Variants in ATRNL1 observed in about 807,000 individuals in gnomAD.
ATRNL1 encodes attractin-like protein 1.
A neutral mutation model predicts 182.7 loss-of-function variants in ATRNL1; 95 were observed. The observed-to-expected ratio is 0.52, with a 90% CI of 0.44 to 0.62. ATRNL1 has a LOEUF of 0.62. Among genes scored for constraint, ATRNL1 ranks in the 20% least tolerant of loss-of-function variants. The probability of loss-of-function intolerance (pLI) is 0.00; values close to 1 mark genes in which losing one functional copy is unlikely to be tolerated. For missense variants in ATRNL1, 1,471 were observed against 1,679.5 expected (o/e 0.88, Z 2.17); for synonymous variants, 576 against 568.3 (o/e 1.01, Z -0.19).
chr10:115,267,365 AT>A (rs1363552210), intron 12 of ATRNL1, among the ~76,000 whole-genome samples: 17 of 150,660 alleles, frequency 1.1e-4, no homozygotes, highest in Admixed American at 5.3e-4. Context: ...TCCATGTGGT[AT>A]TTTTTTTTCT....
intron 26 of ATRNL1, among the ~76,000 whole-genome samples, chr10:115,633,191 G>T (rs952956023): frequency 6.6e-6 from 1 of 152,088 alleles, no homozygotes; most frequent in African/African-American, 2.4e-5. Context: ...GATTACAGGC[G>T]TGAGCCACTA....
At chr10:115,291,879 T>G (rs1191691801) in intron 15 of ATRNL1, among the ~76,000 whole-genome samples, 1 of 150,802 alleles carries the variant, frequency 6.6e-6, no homozygotes, top group Non-Finnish European at 1.5e-5. Context: ...CCTCATAGAA[T>G]GAGTTAAGAA....
In ATRNL1 at chr10:115,301,977, T is replaced by C. The variant is rs1564893072; in HGVS notation, c.2752T>C (p.Ser918Pro). Residue 918 changes from serine (S) to proline (P), a missense_variant, in exon 17 of 29, where the codon TCT (serine) becomes CCT (proline). Around this residue, in one of 3 missense-constraint regions of ATRNL1, gnomAD observed 1,031 missense variants for 1,156.0 expected, o/e 0.89. Transcript: ENST00000355044. ...WCSSTKRCVD[S>P]NAYIISFPYG... ...CAGCAGTACGAAACGATGTGTTGAC[T>C]CTAATGCCTATATCATCTCTTTTCC... 6.2e-7 allele frequency: 1 copy of C among 1,614,104 alleles called. No homozygotes were observed. Among genetic ancestry groups the C allele is most frequent in the East Asian group, 2.2e-5 (1 of 44,878 alleles).
At chr10:115,811,303 T>A (rs560975354) in intron 27 of ATRNL1, among the ~76,000 whole-genome samples, 8 of 152,128 alleles carry the variant, frequency 5.3e-5, no homozygotes, top group African/African-American at 1.7e-4. Flanking sequence ...AATTTATTTT[T>A]AGTTTATTTC....
At chr10:115,224,369 C>A (rs1202180532) in intron 9 of ATRNL1, among the ~76,000 whole-genome samples, 1 of 151,748 alleles carries the variant, frequency 6.6e-6, no homozygotes, top group Admixed American at 6.6e-5. Context: ...AAATGATTTT[C>A]TAAAAGTCTG....
At position 115,335,391 on chromosome 10, in the gene ATRNL1, T is replaced by G. The variant is rs1358934274; in HGVS notation, c.3175+972T>G. ...ACACTAGCTGCATATTAGAACCAGC[T>G]GGAAAGCTTTTAAAAATATGGCTGT... On this transcript the variant is annotated intron_variant, in intron 19 of 28. Transcript: ENST00000355044. 9.2e-5 allele frequency among the ~76,000 whole-genome samples: 14 copies of G among 152,322 alleles called. No homozygotes were observed. The East Asian group carries it at 2.1e-3, about 23-fold the overall frequency.
chr10:115,195,731 A>G lies in ATRNL1; in HGVS notation c.1349-19966A>G, dbSNP rs372682828. ...ACTTTCTAGCTCAATCTTTATTTCT[A>G]CATACTAATTAAGGCCAGTAACTCT... is the stretch of plus-strand genomic sequence containing the variant. On this transcript the variant is annotated intron_variant, in intron 8 of 28. Transcript: ENST00000355044. Among the ~76,000 whole-genome samples the G allele has an allele frequency of 2.9e-4, 44 of 152,194 alleles. No homozygotes were observed. In the South Asian group the frequency reaches 8.7e-3, roughly 30 times the overall value.
At chr10:115,721,352 T>G (rs1947418032) in intron 26 of ATRNL1, among the ~76,000 whole-genome samples, 1 of 152,240 alleles carries the variant, frequency 6.6e-6, no homozygotes, top group Non-Finnish European at 1.5e-5. Context: ...TACATTGACA[T>G]GCATATGTAC....
At chr10:115,899,231 C>T (rs1449048177) in intron 28 of ATRNL1, among the ~76,000 whole-genome samples, 2 of 152,026 alleles carry the variant, frequency 1.3e-5, no homozygotes, top group African/African-American at 2.4e-5. Context: ...TGAGAACATG[C>T]GGTGTTTGGT....
intron 9 of ATRNL1, among the ~76,000 whole-genome samples, chr10:115,233,717 T>C (rs566104602): frequency 6.6e-6 from 1 of 152,234 alleles, no homozygotes; most frequent in South Asian, 2.1e-4. Context: ...GTTTATATTA[T>C]GAATGGATGC....
At chr10:115,589,985 G>A (rs1855805785) in intron 26 of ATRNL1, among the ~76,000 whole-genome samples, 2 of 152,164 alleles carry the variant, frequency 1.3e-5, no homozygotes, top group African/African-American at 4.8e-5. Context: ...CTGTAAGTTA[G>A]CTTTAATATA....
intron 26 of ATRNL1, among the ~76,000 whole-genome samples, chr10:115,589,377 ATATT>A (rs1855770461): frequency 6.6e-6 from 1 of 152,160 alleles, no homozygotes; most frequent in African/African-American, 2.4e-5. Context: ...GGAAAATATT[ATATT>A]TATTCACATT....
chr10:115,374,481 CTTCCTTCT>C (rs1554949002), intron 19 of ATRNL1, among the ~76,000 whole-genome samples: 2 of 146,506 alleles, frequency 1.4e-5, no homozygotes, highest in Admixed American at 6.9e-5. Context: ...TCCTTCCTTC[CTTCCTTCT>C]TTCCTTCCTT....
intron 20 of ATRNL1, among the ~76,000 whole-genome samples, chr10:115,407,305 G>C (rs1339478801): frequency 6.6e-6 from 1 of 152,038 alleles, no homozygotes; most frequent in Non-Finnish European, 1.5e-5. Context: ...TCTTAAAGTA[G>C]TATAGAACAT....
chr10:115,855,967 A>G (rs1168864006), intron 28 of ATRNL1, among the ~76,000 whole-genome samples: 1 of 152,154 alleles, frequency 6.6e-6, no homozygotes, highest in African/African-American at 2.4e-5. Flanking sequence ...TAACTATTTT[A>G]TTTAAGTTTG....
At chr10:115,105,334 A>G (rs1288051088) in intron 1 of ATRNL1, among the ~76,000 whole-genome samples, 36 of 152,196 alleles carry the variant, frequency 2.4e-4, no homozygotes, top group Admixed American at 2.4e-3. Context: ...TCAAGATGTG[A>G]CTTGGGTGCT....
At chr10:115,896,509 G>C (rs1555112584) in intron 28 of ATRNL1, among the ~76,000 whole-genome samples, 1 of 152,022 alleles carries the variant, frequency 6.6e-6, no homozygotes. Context: ...GACAATAAAG[G>C]TATAAAAAGA....
intron 21 of ATRNL1, among the ~76,000 whole-genome samples, chr10:115,443,712 A>T (rs604215): frequency 0.099 from 15,002 of 151,950 alleles, 2,455 homozygotes; most frequent in African/African-American, 0.34. Context: ...GTTTCTTTGG[A>T]CATCGCAATT....
At chr10:115,213,460 G>A (rs151102540) in intron 8 of ATRNL1, among the ~76,000 whole-genome samples, 142 of 152,216 alleles carry the variant, frequency 9.3e-4, no homozygotes, top group African/African-American at 3.2e-3. Flanking sequence ...GTAACCTTTT[G>A]TTCTAAGGAT....
Sources: gnomAD v4.1 joint callset for allele counts (sites outside exome capture counted in the v4.1 genomes callset) on GRCh38, gnomAD v4.1.1 for gene constraint, gnomAD v4.1.1 regional missense constraint, MANE v1.5 for transcripts, NCBI Gene and HGNC (gene_info 2026-07-23, HGNC 2026-07-21) for gene names.